Variants in SDK1 observed in about 807,000 individuals in gnomAD.
SDK1 encodes sidekick cell adhesion molecule 1, also known as protein sidekick-1.
SDK1 carries 157 observed loss-of-function variants against 245.5 expected under a neutral mutation model. The ratio of observed to expected loss-of-function variants is 0.64; its 90% CI spans 0.56 to 0.73. The LOEUF is 0.73. SDK1 is among the 30% of genes least tolerant of loss of function. The pLI is 0.00. For synonymous variants in SDK1, 1,647 were observed against 1,278.5 expected, an observed-to-expected ratio of 1.29 and a Z score of -6.15; for missense variants, 3,583 against 3,002.3, an observed-to-expected ratio of 1.19 and a Z score of -4.52.
At chr7:3,932,179 A>G (rs1156433119) in intron 5 of SDK1, among the ~76,000 whole-genome samples, 1 of 152,158 alleles carries the variant, frequency 6.6e-6, no homozygotes, top group African/African-American at 2.4e-5. Flanking sequence ...TGAACAGACT[A>G]CTTATGTTTC....
chr7:4,117,686 G>C (rs1430044016), intron 25 of SDK1, among the ~76,000 whole-genome samples: 1 of 152,164 alleles, frequency 6.6e-6, no homozygotes, highest in Admixed American at 6.5e-5. Flanking sequence ...GGGCCCAGCA[G>C]TGCCCAGCAC....
chr7:3,695,153 G>A (rs1784536613), intron 4 of SDK1, among the ~76,000 whole-genome samples: 1 of 152,120 alleles, frequency 6.6e-6, no homozygotes, highest in South Asian at 2.1e-4. Flanking sequence ...ATCAGTACCT[G>A]ATCACAGAAT....
chr7:3,586,090 A>G (rs1780678681), intron 1 of SDK1, among the ~76,000 whole-genome samples: 1 of 152,072 alleles, frequency 6.6e-6, no homozygotes, highest in Non-Finnish European at 1.5e-5. Context: ...CTGGCCCAGG[A>G]GAGAAGCAGG....
chr7:3,881,895 G>T (rs1433410242), intron 5 of SDK1, among the ~76,000 whole-genome samples: 1 of 152,154 alleles, frequency 6.6e-6, no homozygotes, highest in Non-Finnish European at 1.5e-5. Context: ...TTGGAGCTCT[G>T]TTCCCGGGAG....
At chr7:3,706,971 G>A (rs1216687183) in intron 4 of SDK1, among the ~76,000 whole-genome samples, 1 of 151,994 alleles carries the variant, frequency 6.6e-6, no homozygotes, top group African/African-American at 2.4e-5. Context: ...TCTAGCTAAT[G>A]GTCTATCAAC....
intron 27 of SDK1, among the ~76,000 whole-genome samples, chr7:4,131,587 C>T (rs1014762893): frequency 1.1e-4 from 17 of 152,172 alleles, no homozygotes; most frequent in African/African-American, 2.9e-4. Context: ...ACCTGGGAAT[C>T]GGTCAGTTAT....
At chr7:3,477,220 G>C (rs11762809) in intron 1 of SDK1, among the ~76,000 whole-genome samples, 1 of 92,412 alleles carries the variant, frequency 1.1e-5, no homozygotes, top group South Asian at 3.9e-4. Flanking sequence ...TTTTGAGCCA[G>C]AGTCTTGCTC....
intron 17 of SDK1, among the ~76,000 whole-genome samples, chr7:4,046,846 G>A (rs933559641): frequency 2.0e-5 from 3 of 151,442 alleles, no homozygotes; most frequent in East Asian, 1.9e-4. Context: ...TTTTGAGAGC[G>A]GGTCTTGCTC....
intron 4 of SDK1, among the ~76,000 whole-genome samples, chr7:3,665,068 G>T (rs1783484172): frequency 6.6e-6 from 1 of 152,160 alleles, no homozygotes; most frequent in African/African-American, 2.4e-5. Context: ...AATTAATGAT[G>T]TAAGTCTGTA....
chr7:3,572,864 G>A (rs1241717800), intron 1 of SDK1, among the ~76,000 whole-genome samples: 1 of 152,062 alleles, frequency 6.6e-6, no homozygotes. Context: ...ACCTGAAGAA[G>A]GGAGGAAGAG....
chr7:3,407,754 G>C (rs1025047530), intron 1 of SDK1, among the ~76,000 whole-genome samples: 1 of 152,076 alleles, frequency 6.6e-6, no homozygotes, highest in Admixed American at 6.6e-5. Context: ...CTAGGCATTG[G>C]GTATACAAGG....
intron 19 of SDK1, among the ~76,000 whole-genome samples, chr7:4,064,782 C>T (rs1188495922): frequency 6.6e-6 from 1 of 152,068 alleles, no homozygotes; most frequent in Non-Finnish European, 1.5e-5. Context: ...AACTGGAGGG[C>T]ATTACATCAA....
chr7:3,331,368 G>A (rs982966584), intron 1 of SDK1, among the ~76,000 whole-genome samples: 1 of 152,154 alleles, frequency 6.6e-6, no homozygotes, highest in Admixed American at 6.5e-5. Flanking sequence ...GTATTTTGTG[G>A]TTTTTACTTG....
intron 1 of SDK1, among the ~76,000 whole-genome samples, chr7:3,349,634 C>T (rs1025859807): frequency 3.9e-5 from 6 of 152,116 alleles, no homozygotes; most frequent in East Asian, 1.9e-4. Flanking sequence ...TAGTCTGGCT[C>T]GGTCGCCCAG....
At chr7:3,605,791 G>C (rs1454251748) in intron 1 of SDK1, among the ~76,000 whole-genome samples, 2 of 151,852 alleles carry the variant, frequency 1.3e-5, no homozygotes, top group African/African-American at 4.8e-5. Flanking sequence ...TCTATTTTTA[G>C]GTTTGTTTTT....
intron 19 of SDK1, among the ~76,000 whole-genome samples, chr7:4,058,240 T>A (rs995059405): frequency 2.6e-5 from 4 of 152,180 alleles, no homozygotes; most frequent in African/African-American, 9.7e-5. Flanking sequence ...CAGGAACTAA[T>A]TAATTCATTG....
Position 4,267,515 on chromosome 7 carries a change from T to C in SDK1, c.*2131T>C, listed in dbSNP as rs1005325753. 109 of 985,262 alleles carry C rather than the reference T, an allele frequency of 1.1e-4. No individual in the cohort carries two copies. Among genetic ancestry groups the C allele is most frequent in the Non-Finnish European group, 1.2e-4 (100 of 829,942 alleles). 61.0% of individuals were successfully genotyped at this position (985,262 alleles called of 1,614,324 possible). ...CCCCTCGGCCCCGGAGAGGGCGAAGTGGGCGGGAAGCCAGGATGTGAGCAC... is the reference window on the plus strand; with the variant it reads ...CCCCTCGGCCCCGGAGAGGGCGAAGCGGGCGGGAAGCCAGGATGTGAGCAC... On this transcript the variant is annotated 3_prime_UTR_variant, in exon 45 of 45. Coordinates refer to ENST00000404826, the MANE Select transcript of SDK1 (RefSeq NM_152744.4).
At chr7:3,989,975 T>G (rs1784172163) in intron 14 of SDK1, among the ~76,000 whole-genome samples, 2 of 152,282 alleles carry the variant, frequency 1.3e-5, no homozygotes, top group South Asian at 4.1e-4. Flanking sequence ...GCTGTCTGAC[T>G]CCAGAGCCGG....
intron 13 of SDK1, among the ~76,000 whole-genome samples, chr7:3,978,729 C>T (rs937281125): frequency 1.3e-5 from 2 of 152,060 alleles, no homozygotes; most frequent in Non-Finnish European, 2.9e-5. Flanking sequence ...GTGTTTCCAT[C>T]ATTTACTCAG....
Sources: gnomAD v4.1 joint callset for allele counts (sites outside exome capture counted in the v4.1 genomes callset) on GRCh38, gnomAD v4.1.1 for gene constraint, MANE v1.5 for transcripts, NCBI Gene and HGNC (gene_info 2026-07-23, HGNC 2026-07-21) for gene names.